CMKLR1: variants seen among roughly 807,000 people sequenced by gnomAD.
CMKLR1 encodes the protein chemerin chemokine-like receptor 1, also known as chemerin-like receptor 1.
A neutral mutation model predicts 8.2 loss-of-function variants in CMKLR1; 6 were observed. The observed-to-expected ratio is 0.73, with a 90% CI of 0.40 to 1.44. The LOEUF is 1.44. Ranked by LOEUF, CMKLR1 falls within the 40% of genes most tolerant of loss-of-function variation. The probability of loss-of-function intolerance (pLI) is 0.02; values close to 1 mark genes in which losing one functional copy is unlikely to be tolerated. For synonymous variants in CMKLR1, 178 were observed against 181.2 expected (o/e 0.98, Z 0.14); for missense variants, 429 against 478.0 (o/e 0.90, Z 0.96).
At chr12:108,334,208 T>C (rs562201506) in intron 1 of CMKLR1, among the ~76,000 whole-genome samples, 1 of 152,376 alleles carries the variant, frequency 6.6e-6, no homozygotes, top group Non-Finnish European at 1.5e-5. Context: ...TAGATGCTAA[T>C]AAATGTTTGT....
rs1890937973 is a variant in CMKLR1, at chr12:108,290,635, A to G, written c.*1206T>C. On this transcript the variant is annotated 3_prime_UTR_variant, in exon 4 of 4. Coordinates refer to ENST00000550402, the MANE Select transcript of CMKLR1 (RefSeq NM_001142343.2). Reference sequence around the variant, plus strand: ...TGGGCCTCAGCTATGTCATTTGTAAATGGGGCTATGACACTCTGTGGCCAC... The same window carrying G: ...TGGGCCTCAGCTATGTCATTTGTAAGTGGGGCTATGACACTCTGTGGCCAC... 2 of 152,170 alleles carry G rather than the reference A, an allele frequency of 1.3e-5. No homozygotes were observed. The highest frequency in any genetic ancestry group is 2.9e-5 in the Non-Finnish European group (2 of 68,040). 9.4% of individuals were successfully genotyped at this position (152,170 alleles called of 1,614,324 possible).
chr12:108,291,857 T>G lies in CMKLR1; in HGVS notation c.1106A>C (p.Glu369Ala). ...CAGTGAGGATCAAAGCATGCCGGTC[T>G]CCCTCTCATTCATAGAAGTCCTCTC... is the stretch of plus-strand genomic sequence containing the variant. ...MNERTSMNER[E>A]TGML is the part of the protein sequence containing the mutation. The change falls in exon 4 of 4, where the codon GAG becomes GCG. Residue 369 changes from glutamate (E) to alanine (A), a missense_variant. Transcript: ENST00000550402. The G allele has an allele frequency of 6.2e-7, 1 of 1,613,198 alleles. No homozygotes were observed. The highest frequency in any genetic ancestry group is 8.5e-7 in the Non-Finnish European group (1 of 1,179,536).
chr12:108,306,551 T>A (rs1367642766), intron 2 of CMKLR1, among the ~76,000 whole-genome samples: 3 of 152,098 alleles, frequency 2.0e-5, no homozygotes, highest in African/African-American at 7.2e-5. Context: ...TGCTTACCTA[T>A]GTGGCTACCA....
chr12:108,322,657 T>C (rs1364350615), intron 2 of CMKLR1, among the ~76,000 whole-genome samples: 1 of 152,104 alleles, frequency 6.6e-6, no homozygotes, highest in African/African-American at 2.4e-5. Flanking sequence ...TAAAAGAGCC[T>C]GGCACCTTCC....
rs537121596 is a variant in CMKLR1, at chr12:108,296,117, A to G, written c.-73-2453T>C. ...GAGCCTCTGCTCTGTCCTAACACAC[A>G]TCCCTCCTGTCCTGAGCACATTTCT... On this transcript the variant is annotated intron_variant, in intron 2 of 3. Transcript: ENST00000550402. Among the ~76,000 whole-genome samples the G allele has an allele frequency of 3.9e-5, 6 of 152,176 alleles. No homozygotes were observed. The South Asian group carries it at 1.2e-3, about 32-fold the overall frequency.
intron 2 of CMKLR1, chr12:108,318,015 G>A (rs1357732747): frequency 6.6e-6 from 1 of 152,130 alleles, no homozygotes; most frequent in Non-Finnish European, 1.5e-5. Flanking sequence ...ATATCTCTTG[G>A]TGATGATTTC....
chr12:108,296,480 G>A (rs778116105), intron 2 of CMKLR1, among the ~76,000 whole-genome samples: 1 of 152,192 alleles, frequency 6.6e-6, no homozygotes, highest in Non-Finnish European at 1.5e-5. Context: ...CAGAGGACCA[G>A]TGAGTTCCTG....
chr12:108,321,474 T>A (rs2137331407), intron 2 of CMKLR1, among the ~76,000 whole-genome samples: 1 of 152,002 alleles, frequency 6.6e-6, no homozygotes, highest in Non-Finnish European at 1.5e-5. Flanking sequence ...TAACGCAAAA[T>A]ATTGCATGAT....
intron 2 of CMKLR1, among the ~76,000 whole-genome samples, chr12:108,322,083 C>T (rs1593175303): frequency 6.6e-6 from 1 of 152,112 alleles, no homozygotes; most frequent in African/African-American, 2.4e-5. Context: ...TTTGGGTAAT[C>T]AGGTATATGT....
intron 2 of CMKLR1, among the ~76,000 whole-genome samples, chr12:108,323,244 C>T (rs1891901752): frequency 6.6e-6 from 1 of 152,212 alleles, no homozygotes; most frequent in Admixed American, 6.5e-5. Flanking sequence ...CACATTAATA[C>T]CCACGAAAAT....
chr12:108,295,552 T>C (rs951601040), intron 2 of CMKLR1, among the ~76,000 whole-genome samples: 1 of 152,198 alleles, frequency 6.6e-6, no homozygotes, highest in African/African-American at 2.4e-5. Context: ...AAGACTAGAA[T>C]GCCCCAAGAA....
intron 2 of CMKLR1, among the ~76,000 whole-genome samples, 198 bp downstream of exon 2, chr12:108,329,797 C>T (rs953344722): frequency 6.6e-6 from 1 of 152,232 alleles, no homozygotes; most frequent in African/African-American, 2.4e-5. Context: ...TCAGTAAATG[C>T]TTGTGAAGTG....
chr12:108,300,166 G>A (rs545621894), intron 2 of CMKLR1, among the ~76,000 whole-genome samples: 1 of 152,326 alleles, frequency 6.6e-6, no homozygotes, highest in Non-Finnish European at 1.5e-5. Context: ...GCGCCATGTG[G>A]CTTGAGCTTA....
At chr12:108,334,661 A>T (rs1041719390) in intron 1 of CMKLR1, among the ~76,000 whole-genome samples, 1 of 152,244 alleles carries the variant, frequency 6.6e-6, no homozygotes, top group Non-Finnish European at 1.5e-5. Context: ...GTACACGTAC[A>T]TGAACACCAA....
At chr12:108,300,241 G>C (rs543293479) in intron 2 of CMKLR1, among the ~76,000 whole-genome samples, 1 of 152,312 alleles carries the variant, frequency 6.6e-6, no homozygotes, top group South Asian at 2.1e-4. Flanking sequence ...CCAGGAGCAG[G>C]TGCGCCAGGG....
chr12:108,312,680 C>A (rs915466463), intron 2 of CMKLR1, among the ~76,000 whole-genome samples: 4 of 152,244 alleles, frequency 2.6e-5, no homozygotes, highest in Non-Finnish European at 5.9e-5. Context: ...AGATCTGAAT[C>A]TGCACTGCCT....
In CMKLR1 at chr12:108,292,405, T is replaced by C. The variant is rs1891007704; in HGVS notation, c.558A>G (p.Lys186=). 1 of 1,613,964 alleles carries C rather than the reference T, an allele frequency of 6.2e-7. No homozygotes were observed. Among genetic ancestry groups the C allele is most frequent in the Admixed American group, 1.7e-5 (1 of 59,992 alleles). The change falls in exon 4 of 4, where the codon AAA becomes AAG. Residue 186 remains lysine, a synonymous_variant. Transcript: ENST00000550402. ...VFRDTANLHG[K]ISCFNNFSLS... is the part of the protein sequence containing the mutation. ...GGCTGAAGTTGTTGAAGCAGGATAT[T>C]TTCCCATGCAGGTTGGCTGTGTCCC...
intron 2 of CMKLR1, among the ~76,000 whole-genome samples, chr12:108,314,936 T>TTG (rs1566025109): frequency 1.4e-5 from 2 of 145,986 alleles, no homozygotes; most frequent in African/African-American, 5.1e-5. Flanking sequence ...ACAGCCTTGT[T>TTG]TTTTTTTTTT....
intron 2 of CMKLR1, among the ~76,000 whole-genome samples, chr12:108,321,552 C>A (rs1891862483): frequency 1.3e-5 from 2 of 152,184 alleles, no homozygotes; most frequent in African/African-American, 4.8e-5. Context: ...ACTCACCACC[C>A]CCTAACTCTG....
Sources: allele counts gnomAD v4.1 joint callset (sites outside exome capture counted in the v4.1 genomes callset), GRCh38; gene constraint gnomAD v4.1.1; transcripts MANE v1.5; gene names NCBI Gene and HGNC (gene_info 2026-07-23, HGNC 2026-07-21).